Variants in CADPS observed in about 807,000 individuals in gnomAD.
CADPS encodes the protein calcium dependent secretion activator.
A neutral mutation model predicts 167.3 loss-of-function variants in CADPS; 57 were observed. The observed-to-expected ratio is 0.34, with a 90% CI of 0.28 to 0.42. The LOEUF (loss-of-function observed/expected upper bound fraction) is 0.42. Ranked by LOEUF, CADPS falls within the 20% of genes least tolerant of loss-of-function variation. CADPS has a pLI of 1.00. For missense variants in CADPS, 1,414 were observed against 1,738.1 expected (o/e 0.81, Z 3.32); for synonymous variants, 676 against 635.3 (o/e 1.06, Z -0.96).
intron 1 of CADPS, among the ~76,000 whole-genome samples, chr3:62,782,480 G>T (rs941377352): frequency 6.6e-6 from 1 of 152,152 alleles, no homozygotes; most frequent in East Asian, 1.9e-4. Context: ...GATGACATGA[G>T]TTCACGCCCA....
At position 62,514,257 on chromosome 3, in the gene CADPS, G is replaced by A. The variant is rs1011385903; in HGVS notation, c.2582-1489C>T. Among the ~76,000 whole-genome samples the A allele has an allele frequency of 4.6e-5, 7 of 152,030 alleles. No homozygotes were observed. Among genetic ancestry groups the A allele is most frequent in the African/African-American group, 1.7e-4 (7 of 41,408 alleles). On this transcript the variant is annotated intron_variant, in intron 16 of 29. Transcript: ENST00000383710. The surrounding 1 kb of genome is among the most constrained non-coding windows in gnomAD (Gnocchi z 4.2). ...TCAGGCTGCAATGTCTCAGCCTATGGTGGACTATGTTCATGAAAGAAAACC... is the reference window on the plus strand; with the variant it reads ...TCAGGCTGCAATGTCTCAGCCTATGATGGACTATGTTCATGAAAGAAAACC...
At chr3:62,783,928 T>C (rs2152683949) in intron 1 of CADPS, among the ~76,000 whole-genome samples, 1 of 152,270 alleles carries the variant, frequency 6.6e-6, no homozygotes, top group South Asian at 2.1e-4. Context: ...ACATGCACAC[T>C]TACATTACAA....
At chr3:62,492,162 G>A (rs1576765271) in intron 20 of CADPS, 128 bp downstream of exon 20, 1 of 765,164 alleles carries the variant, frequency 1.3e-6, no homozygotes, top group East Asian at 2.5e-5. Flanking sequence ...TTTGGGGGGT[G>A]GGGTTAATCA....
rs1233610957 is a variant in CADPS at position 62,874,790 on chromosome 3, G to A, written c.240C>T (p.Pro80=). The A allele has an allele frequency of 1.5e-6, 2 of 1,377,084 alleles. No homozygotes were observed. The highest frequency in any genetic ancestry group is 2.9e-5 in the East Asian group (1 of 34,412). The allele number at this position is 1,377,084 out of a possible 1,614,324, so 85.3% of individuals were successfully genotyped here. A position where few individuals can be genotyped will look rare whatever the true frequency, so the allele number is the denominator to read the frequency against. Reference sequence around the variant, plus strand: ...GCCGGCCGCCGCCAGCGCGGCTGCTGGGTTGCAGCCCCCCGGCCCCGCCGC... The same window carrying A: ...GCCGGCCGCCGCCAGCGCGGCTGCTAGGTTGCAGCCCCCCGGCCCCGCCGC... ...SSGGGAGGLQ[P]SSRAGGGRPS... Residue 80 remains proline (P), a synonymous_variant, in exon 1 of 30, where the codon CCC becomes CCT. Transcript: ENST00000383710. This position sits in a 1 kb window ranked among gnomAD's most constrained non-coding sequence, Gnocchi z 7.1.
At chr3:62,781,609 G>A (rs984670344) in intron 1 of CADPS, among the ~76,000 whole-genome samples, 2 of 152,126 alleles carry the variant, frequency 1.3e-5, no homozygotes, top group South Asian at 2.1e-4. Context: ...AGCAAGTTAC[G>A]TTCTGTTGGG....
intron 6 of CADPS, among the ~76,000 whole-genome samples, chr3:62,642,790 G>A (rs557626268): frequency 9.2e-5 from 14 of 152,184 alleles, no homozygotes; most frequent in African/African-American, 3.4e-4. Flanking sequence ...TATGCCTGTA[G>A]TCCCAGCTAC....
Position 62,662,404 on chromosome 3 carries a change from A to G in CADPS, c.889-10T>C. On this transcript the variant is annotated splice_polypyrimidine_tract_variant and intron_variant, in intron 3 of 29. Transcript: ENST00000383710. The stretch of plus-strand genomic sequence containing the variant: ...CATCTGGATTGTCCAGCTGCACAAA[A>G]GCACAGACATTGAGACTTTTAGTTT... The G allele has an allele frequency of 6.2e-7, 1 of 1,613,550 alleles. No homozygotes were observed. Among genetic ancestry groups the G allele is most frequent in the African/African-American group, 1.3e-5 (1 of 75,036 alleles).
chr3:62,495,428 G>T lies in CADPS; in HGVS notation c.2707-1763C>A, dbSNP rs954131072. 2.6e-5 allele frequency among the ~76,000 whole-genome samples: 4 copies of T among 152,174 alleles called. No homozygotes were observed. In the South Asian group the frequency reaches 8.3e-4, roughly 31 times the overall value. On this transcript the variant is annotated intron_variant, in intron 18 of 29. Coordinates refer to ENST00000383710, the MANE Select transcript of CADPS (RefSeq NM_003716.4). Reference sequence around the variant, plus strand: ...CAGGCTTTAAAAATATTTATTTTATGCTTGCTCATACAGGTGAATGCTATT... The same window carrying T: ...CAGGCTTTAAAAATATTTATTTTATTCTTGCTCATACAGGTGAATGCTATT...
intron 6 of CADPS, among the ~76,000 whole-genome samples, chr3:62,627,418 G>C (rs990022120): frequency 1.3e-5 from 2 of 151,842 alleles, no homozygotes; most frequent in Non-Finnish European, 2.9e-5. Flanking sequence ...AATCCCCATG[G>C]GCAAGCTGTT....
At chr3:62,693,486 C>G (rs2079600157) in intron 3 of CADPS, among the ~76,000 whole-genome samples, 1 of 151,898 alleles carries the variant, frequency 6.6e-6, no homozygotes, top group Admixed American at 6.6e-5. Context: ...TTTGTTTTTG[C>G]CAGGTGCAGT....
At position 62,446,352 on chromosome 3, in the gene CADPS, G is replaced by A. The variant is rs946335251; in HGVS notation, c.3637-555C>T. ...CTGCCGTTATGTCTCCTGCTTTTAC[G>A]TGCTAAAAATTCCAGATGGGAAGTG... On this transcript the variant is annotated intron_variant, in intron 26 of 29. Transcript: ENST00000383710. This position sits in a 1 kb window ranked among gnomAD's most constrained non-coding sequence, Gnocchi z 4.9. 3.9e-5 allele frequency among the ~76,000 whole-genome samples: 6 copies of A among 152,164 alleles called. No homozygotes were observed. The highest frequency in any genetic ancestry group is 1.9e-4 in the East Asian group (1 of 5,186).
intron 3 of CADPS, among the ~76,000 whole-genome samples, chr3:62,690,270 G>T (rs111357364): frequency 0.014 from 2,118 of 152,086 alleles, 61 homozygotes; most frequent in African/African-American, 0.048. Context: ...GAGAACAAAA[G>T]TTGTGACTTA....
chr3:62,874,344 G>A lies in CADPS; in HGVS notation c.441+245C>T, dbSNP rs571050760. 6.6e-6 allele frequency among the ~76,000 whole-genome samples: 1 copy of A among 152,290 alleles called. No homozygotes were observed. Among genetic ancestry groups the A allele is most frequent in the East Asian group, 1.9e-4 (1 of 5,134 alleles). On this transcript the variant is annotated intron_variant, in intron 1 of 29. Coordinates refer to ENST00000383710, the MANE Select transcript of CADPS (RefSeq NM_003716.4). This position sits in a 1 kb window ranked among gnomAD's most constrained non-coding sequence, Gnocchi z 7.1. ...CAACGCTCCCGGGCTGGGGGGGCTCGAGCAAGCGGCGCTGCGCTCCGCGGC... is the reference window on the plus strand; with the variant it reads ...CAACGCTCCCGGGCTGGGGGGGCTCAAGCAAGCGGCGCTGCGCTCCGCGGC...
chr3:62,785,397 T>C (rs1003673979), intron 1 of CADPS, among the ~76,000 whole-genome samples: 4 of 152,200 alleles, frequency 2.6e-5, no homozygotes, highest in African/African-American at 9.7e-5. Context: ...TGCAAACATT[T>C]TGAAAAGCTG....
At chr3:62,610,540 C>G (rs1341250018) in intron 6 of CADPS, among the ~76,000 whole-genome samples, 2 of 152,184 alleles carry the variant, frequency 1.3e-5, no homozygotes, top group Non-Finnish European at 2.9e-5. Flanking sequence ...CATGAGCCAC[C>G]ATGCCTGGCC....
chr3:62,582,620 G>T (rs946995308), intron 8 of CADPS, among the ~76,000 whole-genome samples: 1 of 152,158 alleles, frequency 6.6e-6, no homozygotes, highest in Non-Finnish European at 1.5e-5. Flanking sequence ...AGGCAACTAA[G>T]GTTGCTCATC....
At chr3:62,457,952 G>A (rs2058892478) in intron 26 of CADPS, among the ~76,000 whole-genome samples, 1 of 152,062 alleles carries the variant, frequency 6.6e-6, no homozygotes, top group Non-Finnish European at 1.5e-5. Context: ...ACTAGGGGAG[G>A]GATAGCATTA....
chr3:62,819,422 G>T, intron 1 of CADPS, among the ~76,000 whole-genome samples: 1 of 151,524 alleles, frequency 6.6e-6, no homozygotes, highest in Non-Finnish European at 1.5e-5. Flanking sequence ...GTGTGTGTGT[G>T]TGTGTGTGTG....
chr3:62,705,336 C>T (rs2082126218), intron 3 of CADPS, among the ~76,000 whole-genome samples: 1 of 152,168 alleles, frequency 6.6e-6, no homozygotes. Flanking sequence ...AGATATCCAT[C>T]TCTTCCAGCA....
Sources: gnomAD v4.1 joint callset for allele counts (sites outside exome capture counted in the v4.1 genomes callset) on GRCh38, gnomAD v4.1.1 for gene constraint, Gnocchi (gnomAD v3.1) non-coding constraint, MANE v1.5 for transcripts, NCBI Gene and HGNC (gene_info 2026-07-23, HGNC 2026-07-21) for gene names.